UGT8: variants seen among roughly 807,000 people sequenced by gnomAD.
The protein encoded by UGT8 is UDP glycosyltransferase 8, also known as 2-hydroxyacylsphingosine 1-beta-galactosyltransferase.
UGT8 carries 12 observed loss-of-function variants against 40.5 expected under a neutral mutation model. The ratio of observed to expected loss-of-function variants is 0.30; its 90% CI spans 0.19 to 0.48. The LOEUF is 0.48. Among genes scored for constraint, UGT8 ranks in the 20% least tolerant of loss-of-function variants. The pLI is 0.99. For synonymous variants in UGT8, 224 were observed against 240.4 expected (o/e 0.93, Z 0.63); for missense variants, 513 against 648.7 (o/e 0.79, Z 2.27).
At chr4:114,604,600 A>T (rs1166986024) in intron 1 of UGT8, among the ~76,000 whole-genome samples, 1 of 151,882 alleles carries the variant, frequency 6.6e-6, no homozygotes, top group African/African-American at 2.4e-5. Flanking sequence ...CTATTTTAAT[A>T]TGTGTATAAG....
chr4:114,614,840 CTT>C lies in UGT8; in HGVS notation c.-2-8020_-2-8019del, dbSNP rs68162513. ...AGATTGTACTCTTAAAGGTGCCAGA[CTT>C]TTTTTTTTTTTTTTTTTTGGGCAGG... On this transcript the variant is annotated intron_variant, in intron 1 of 5. Coordinates refer to ENST00000310836, the MANE Select transcript of UGT8 (RefSeq NM_001128174.3). 1.8e-3 allele frequency among the ~76,000 whole-genome samples: 181 copies of C among 98,462 alleles called. 1 individual carries two copies. The highest frequency in any genetic ancestry group is 4.9e-3 in the Middle Eastern group (1 of 206). 64.6% of individuals were successfully genotyped at this position (98,462 alleles called of 152,430 possible).
intron 1 of UGT8, among the ~76,000 whole-genome samples, chr4:114,599,262 C>T (rs1458926616): frequency 6.6e-5 from 10 of 152,120 alleles, no homozygotes; most frequent in Admixed American, 4.6e-4. Context: ...ATATGGCATC[C>T]GTTCGAGGGT....
chr4:114,615,226 A>G (rs1731333556), intron 1 of UGT8, among the ~76,000 whole-genome samples: 1 of 151,742 alleles, frequency 6.6e-6, no homozygotes, highest in South Asian at 2.1e-4. Flanking sequence ...TCTCAGTCTT[A>G]TTATCTGTAA....
intron 2 of UGT8, among the ~76,000 whole-genome samples, chr4:114,663,177 C>T (rs1734657344): frequency 6.6e-6 from 1 of 152,036 alleles, no homozygotes; most frequent in African/African-American, 2.4e-5. Context: ...CGTTATGCTA[C>T]AAAGTGGTGC....
Position 114,604,873 on chromosome 4 carries a change from G to A in UGT8, c.-3+5899G>A, listed in dbSNP as rs1018087169. 6.1e-5 allele frequency among the ~76,000 whole-genome samples: 9 copies of A among 148,596 alleles called. 2 individuals carry two copies. Among genetic ancestry groups the A allele is most frequent in the East Asian group, 3.9e-4 (2 of 5,132 alleles). ...CTGAAAATCGCTAGCCATACTTTTC[G>A]TTTTCAGCACTTCTCTATTTTGCAG... On this transcript the variant is annotated intron_variant, in intron 1 of 5. Coordinates refer to ENST00000310836, the MANE Select transcript of UGT8 (RefSeq NM_001128174.3).
intron 4 of UGT8, 157 bp from the exon 5 acceptor site, chr4:114,667,928 A>G (rs1734989951): frequency 1.0e-6 from 1 of 981,402 alleles, no homozygotes; most frequent in South Asian, 4.7e-5. Context: ...CAAATATTTT[A>G]ATTGGTGTAG....
At chr4:114,643,328 A>G (rs1733343507) in intron 2 of UGT8, among the ~76,000 whole-genome samples, 1 of 152,196 alleles carries the variant, frequency 6.6e-6, no homozygotes, top group Non-Finnish European at 1.5e-5. Context: ...AGCCACTTGA[A>G]TTACAGTTGG....
At chr4:114,634,436 AGAG>A (rs1366122450) in intron 2 of UGT8, among the ~76,000 whole-genome samples, 2 of 152,190 alleles carry the variant, frequency 1.3e-5, no homozygotes, top group Admixed American at 6.5e-5. Flanking sequence ...TCTCCAAGGA[AGAG>A]GAGGAGGGAA....
At chr4:114,642,184 G>A (rs1199557663) in intron 2 of UGT8, among the ~76,000 whole-genome samples, 2 of 151,894 alleles carry the variant, frequency 1.3e-5, no homozygotes, top group Non-Finnish European at 2.9e-5. Flanking sequence ...AAGATGATGA[G>A]CTTTTTCAAC....
At chr4:114,637,935 A>C (rs550377429) in intron 2 of UGT8, among the ~76,000 whole-genome samples, 1 of 152,322 alleles carries the variant, frequency 6.6e-6, no homozygotes, top group African/African-American at 2.4e-5. Context: ...GGCTAAACGA[A>C]CCTTCAGAAT....
chr4:114,618,888 G>A (rs1450924698), intron 1 of UGT8, among the ~76,000 whole-genome samples: 1 of 152,018 alleles, frequency 6.6e-6, no homozygotes, highest in Non-Finnish European at 1.5e-5. Flanking sequence ...TCATCTATTT[G>A]TGGTACTTCC....
chr4:114,617,036 C>T (rs556469001), intron 1 of UGT8, among the ~76,000 whole-genome samples: 9 of 152,008 alleles, frequency 5.9e-5, no homozygotes, highest in Admixed American at 3.9e-4. Context: ...GCAGATCACA[C>T]GGTCAGGAGT....
intron 2 of UGT8, among the ~76,000 whole-genome samples, chr4:114,654,429 G>A (rs912553651): frequency 3.3e-5 from 5 of 151,986 alleles, no homozygotes; most frequent in South Asian, 4.1e-4. Flanking sequence ...CCCTAGTAAC[G>A]TTTAAGCAAC....
chr4:114,627,300 C>T (rs1004451437), intron 2 of UGT8, among the ~76,000 whole-genome samples: 1 of 149,682 alleles, frequency 6.7e-6, no homozygotes, highest in African/African-American at 2.5e-5. Flanking sequence ...GCTCTGTCAC[C>T]CAGGCTGGAG....
intron 3 of UGT8, among the ~76,000 whole-genome samples, chr4:114,664,835 G>C (rs1348137861): frequency 6.6e-6 from 1 of 152,186 alleles, no homozygotes; most frequent in Non-Finnish European, 1.5e-5. Context: ...CGGTCCCATA[G>C]TTACTACCAT....
intron 1 of UGT8, chr4:114,622,366 T>A (rs1470284121): frequency 6.6e-6 from 1 of 151,132 alleles, no homozygotes; most frequent in African/African-American, 2.4e-5. Flanking sequence ...GTTGGACATT[T>A]GGGTTGGTTC....
intron 2 of UGT8, among the ~76,000 whole-genome samples, chr4:114,662,666 C>T (rs1231534824): frequency 6.6e-6 from 1 of 151,880 alleles, no homozygotes; most frequent in African/African-American, 2.4e-5. Flanking sequence ...GTCTCTCTGT[C>T]CCCTGCTGAG....
At chr4:114,646,825 G>T (rs1733600387) in intron 2 of UGT8, among the ~76,000 whole-genome samples, 1 of 152,138 alleles carries the variant, frequency 6.6e-6, no homozygotes, top group Non-Finnish European at 1.5e-5. Context: ...TCAAATTGTT[G>T]AGGCCACTGC....
intron 2 of UGT8, among the ~76,000 whole-genome samples, chr4:114,630,054 A>T (rs1732475112): frequency 6.6e-6 from 1 of 152,226 alleles, no homozygotes; most frequent in African/African-American, 2.4e-5. Flanking sequence ...ATTCTAAGCC[A>T]AACAGGTCTA....
Sources: allele counts gnomAD v4.1 joint callset (sites outside exome capture counted in the v4.1 genomes callset), GRCh38; gene constraint gnomAD v4.1.1; transcripts MANE v1.5; gene names NCBI Gene and HGNC (gene_info 2026-07-23, HGNC 2026-07-21).